ARHGAP5: variants seen among roughly 807,000 people sequenced by gnomAD.
ARHGAP5 encodes Rho GTPase activating protein 5.
ARHGAP5 carries 23 observed loss-of-function variants against 116.6 expected under a neutral mutation model. That is an observed-to-expected ratio of 0.20 (90% confidence interval 0.14 to 0.28). ARHGAP5 has a LOEUF of 0.28. ARHGAP5 is among the 10% of genes least tolerant of loss of function. ARHGAP5 has a pLI of 1.00. For synonymous variants in ARHGAP5, 574 were observed against 602.0 expected, an observed-to-expected ratio of 0.95 and a Z score of 0.68; for missense variants, 1,405 against 1,774.8, an observed-to-expected ratio of 0.79 and a Z score of 3.74.
intron 2 of ARHGAP5, among the ~76,000 whole-genome samples, chr14:32,115,620 C>G (rs1394827580): frequency 7.9e-6 from 1 of 126,924 alleles, no homozygotes; most frequent in East Asian, 2.5e-4. Flanking sequence ...GAGCCGAGAT[C>G]GCGCCACTGC....
At chr14:32,114,849 A>G (rs1389552635) in intron 2 of ARHGAP5, among the ~76,000 whole-genome samples, 3 of 152,202 alleles carry the variant, frequency 2.0e-5, no homozygotes, top group African/African-American at 4.8e-5. Flanking sequence ...GATGAAGACT[A>G]TTGTTTTCAG....
chr14:32,132,803 T>G (rs1393949711), intron 3 of ARHGAP5, among the ~76,000 whole-genome samples: 8 of 152,204 alleles, frequency 5.3e-5, no homozygotes, highest in Non-Finnish European at 1.0e-4. Context: ...TTTGTACATA[T>G]GGCTAGCCAG....
intron 5 of ARHGAP5, among the ~76,000 whole-genome samples, chr14:32,151,472 A>G (rs369992866): frequency 5.2e-5 from 8 of 152,400 alleles, no homozygotes; most frequent in South Asian, 2.1e-4. Context: ...TAATTGTAGT[A>G]TAGGCGAATC....
intron 4 of ARHGAP5, among the ~76,000 whole-genome samples, 187 bp from the exon 5 acceptor site, chr14:32,149,715 A>G (rs940048873): frequency 2.6e-5 from 4 of 151,950 alleles, no homozygotes; most frequent in African/African-American, 9.7e-5. Context: ...GGAGGTTGCA[A>G]TGAGGTGAGA....
At chr14:32,079,152 A>G (rs1413993509) in intron 1 of ARHGAP5, among the ~76,000 whole-genome samples, 1 of 152,266 alleles carries the variant, frequency 6.6e-6, no homozygotes, top group Non-Finnish European at 1.5e-5. Flanking sequence ...TTCAAGAAAT[A>G]GCACTATTGA....
At chr14:32,125,331 A>T (rs1169876177) in intron 3 of ARHGAP5, among the ~76,000 whole-genome samples, 1 of 152,162 alleles carries the variant, frequency 6.6e-6, no homozygotes, top group Admixed American at 6.5e-5. Flanking sequence ...AACATGTATC[A>T]TTATGTGTAT....
At chr14:32,090,124 A>G (rs1403399182) in intron 1 of ARHGAP5, among the ~76,000 whole-genome samples, 1 of 152,030 alleles carries the variant, frequency 6.6e-6, no homozygotes, top group Non-Finnish European at 1.5e-5. Context: ...TTGCAAGTCA[A>G]CTAGTACATT....
intron 6 of ARHGAP5, among the ~76,000 whole-genome samples, chr14:32,153,042 G>GT (rs1240719852): frequency 1.0e-3 from 87 of 86,950 alleles, no homozygotes; most frequent in African/African-American, 2.5e-3. Context: ...GAACTGTATG[G>GT]TTTTTTTTGT....
intron 2 of ARHGAP5, among the ~76,000 whole-genome samples, chr14:32,094,955 G>T (rs1878446679): frequency 6.6e-6 from 1 of 152,022 alleles, no homozygotes; most frequent in African/African-American, 2.4e-5. Flanking sequence ...TCCATCTAAT[G>T]GTATTAGGCA....
At chr14:32,116,283 CCT>C (rs1329902377) in intron 2 of ARHGAP5, among the ~76,000 whole-genome samples, 2 of 144,350 alleles carry the variant, frequency 1.4e-5, no homozygotes, top group Non-Finnish European at 3.0e-5. Flanking sequence ...AGCAAGACTC[CCT>C]CTCAAAAAAA....
chr14:32,092,154 T>C lies in ARHGAP5; in HGVS notation c.1485T>C (p.Phe495=), dbSNP rs1294407195. 3.1e-6 allele frequency: 5 copies of C among 1,613,670 alleles called. No individual in the cohort carries two copies. The highest frequency in any genetic ancestry group is 2.7e-5 in the African/African-American group (2 of 74,920). The change falls in exon 2 of 7, where the codon TTT becomes TTC. Residue 495 remains phenylalanine (F), a synonymous_variant. Coordinates refer to ENST00000345122, the MANE Select transcript of ARHGAP5 (RefSeq NM_001030055.2). The surrounding 1 kb of genome is among the most constrained non-coding windows in gnomAD (Gnocchi z 4.1). ...AAGAAGAGTTTCAAGAAATGCTTTT[T>C]GAGCATTCTGAACTTTTTTATGATT... ...KAKEEFQEML[F]EHSELFYDLD...
At chr14:32,145,798 G>A (rs1219788415) in intron 3 of ARHGAP5, among the ~76,000 whole-genome samples, 1 of 152,102 alleles carries the variant, frequency 6.6e-6, no homozygotes, top group Non-Finnish European at 1.5e-5. Context: ...GTTTAAAATA[G>A]AAAACAGTCC....
At position 32,158,281 on chromosome 14, in the gene ARHGAP5, C is replaced by T. The variant is rs532290687; in HGVS notation, c.*3333C>T. On this transcript the variant is annotated 3_prime_UTR_variant, in exon 7 of 7. Coordinates refer to ENST00000345122, the MANE Select transcript of ARHGAP5 (RefSeq NM_001030055.2). ...GATGTATTATTGAATTTTCACTGTACCTGAAAAGGAGATTCAAAATTTTTT... is the reference window on the plus strand; with the variant it reads ...GATGTATTATTGAATTTTCACTGTATCTGAAAAGGAGATTCAAAATTTTTT... 9 of 151,576 alleles carry T rather than the reference C, an allele frequency of 5.9e-5. 1 individual carries two copies. In the South Asian group the frequency reaches 1.5e-3, roughly 25 times the overall value. 9.4% of individuals were successfully genotyped at this position (151,576 alleles called of 1,614,324 possible). A position where few individuals can be genotyped will look rare whatever the true frequency, so the allele number is the denominator to read the frequency against.
chr14:32,077,540 C>T (rs1356040402), intron 1 of ARHGAP5, 105 bp downstream of exon 1: 2 of 622,242 alleles, frequency 3.2e-6, no homozygotes, highest in Non-Finnish European at 5.8e-6. Context: ...CGGTTGTAAC[C>T]AGTTGAAGGG....
chr14:32,081,074 G>T (rs1451215664), intron 1 of ARHGAP5, among the ~76,000 whole-genome samples: 1 of 152,076 alleles, frequency 6.6e-6, no homozygotes, highest in African/African-American at 2.4e-5. Flanking sequence ...GAGCAGCTAG[G>T]CACTGAGTGA....
Position 32,092,747 on chromosome 14 carries a change from A to G in ARHGAP5, c.2078A>G (p.Asn693Ser). Residue 693 changes from asparagine (N) to serine (S), a missense_variant, in exon 2 of 7, where the codon AAT (asparagine) becomes AGT (serine). By Grantham distance (46) the Asn-to-Ser change is conservative. This residue lies in a region of ARHGAP5 where 944 missense variants were observed against 1,095.3 expected (regional missense o/e 0.86). Coordinates refer to ENST00000345122, the MANE Select transcript of ARHGAP5 (RefSeq NM_001030055.2). This position sits in a 1 kb window ranked among gnomAD's most constrained non-coding sequence, Gnocchi z 4.1. Reference sequence around the variant, plus strand: ...ATCAGAAAAGATAAATACATGGCTAATCTTCCATTTACATTAATTCTGGCT... The same window carrying G: ...ATCAGAAAAGATAAATACATGGCTAGTCTTCCATTTACATTAATTCTGGCT... The part of the protein sequence containing the change: ...SQIRKDKYMA[N>S]LPFTLILANQ... 1 of 1,613,826 alleles carries G rather than the reference A, an allele frequency of 6.2e-7. No individual in the cohort carries two copies. The highest frequency in any genetic ancestry group is 2.2e-5 in the East Asian group (1 of 44,870).
chr14:32,147,926 G>T (rs956514466), intron 4 of ARHGAP5, among the ~76,000 whole-genome samples: 10 of 152,166 alleles, frequency 6.6e-5, no homozygotes, highest in Non-Finnish European at 1.3e-4. Context: ...GCCAAGGTGG[G>T]CGAATTGCCT....
At position 32,077,497 on chromosome 14, in the gene ARHGAP5, C is replaced by T. The variant is rs528958050; in HGVS notation, c.-169+62C>T. 2.5e-4 allele frequency: 166 copies of T among 672,354 alleles called. No homozygotes were observed. In the African/African-American group the frequency reaches 2.9e-3, roughly 12 times the overall value. 41.6% of individuals were successfully genotyped at this position (672,354 alleles called of 1,614,324 possible). On this transcript the variant is annotated intron_variant, in intron 1 of 6. Coordinates refer to ENST00000345122, the MANE Select transcript of ARHGAP5 (RefSeq NM_001030055.2). ...TGCCCCCTCCCGGACGGGGACCCTC[C>T]TGCGGCTAGCTGCCCCGCTCGGTCG...
In ARHGAP5 at chr14:32,093,323, C is replaced by T. The variant is rs1878358882; in HGVS notation, c.2654C>T (p.Thr885Ile). The T allele has an allele frequency of 1.2e-6, 2 of 1,613,968 alleles. No individual in the cohort carries two copies. The highest frequency in any genetic ancestry group is 4.5e-5 in the East Asian group (2 of 44,872). ...DTIPVQLVAV[T>I]DSQADFFENE... Reference sequence around the variant, plus strand: ...ATTCCTGTACAGCTGGTGGCAGTTACTGACAGCCAAGCAGATTTTTTTGAA... The same window carrying T: ...ATTCCTGTACAGCTGGTGGCAGTTATTGACAGCCAAGCAGATTTTTTTGAA... Residue 885 changes from threonine (T) to isoleucine (I), a missense_variant, in exon 2 of 7, where the codon ACT becomes ATT. By Grantham distance (89) the Thr-to-Ile change is moderately conservative. Coordinates refer to ENST00000345122, the MANE Select transcript of ARHGAP5 (RefSeq NM_001030055.2).
Sources: allele counts gnomAD v4.1 joint callset (sites outside exome capture counted in the v4.1 genomes callset), GRCh38; gene constraint gnomAD v4.1.1; regional missense constraint gnomAD v4.1.1; non-coding constraint Gnocchi (gnomAD v3.1); transcripts MANE v1.5; gene names NCBI Gene and HGNC (gene_info 2026-07-23, HGNC 2026-07-21).